HS3ST4: variants seen among roughly 807,000 people sequenced by gnomAD.
The protein encoded by HS3ST4 is heparan sulfate-glucosamine 3-sulfotransferase 4.
Under a neutral mutation model 29.2 loss-of-function variants are expected in HS3ST4, and 17 were observed. The ratio of observed to expected loss-of-function variants is 0.58; its 90% CI spans 0.40 to 0.87. HS3ST4 has a LOEUF of 0.87. Among genes scored for constraint, HS3ST4 ranks in the 40% least tolerant of loss-of-function variants. The probability of loss-of-function intolerance (pLI) is 0.00; values close to 1 mark genes in which losing one functional copy is unlikely to be tolerated. For synonymous variants in HS3ST4, 314 were observed against 285.7 expected (o/e 1.10, Z -1.00); for missense variants, 627 against 634.5 (o/e 0.99, Z 0.13).
chr16:25,861,708 C>T (rs1315821806), intron 1 of HS3ST4, among the ~76,000 whole-genome samples: 1 of 152,132 alleles, frequency 6.6e-6, no homozygotes, highest in African/African-American at 2.4e-5. Flanking sequence ...CCCTTTCTCT[C>T]AGGAAAAACA....
Position 25,692,438 on chromosome 16 carries a change from T to TCCTCCG in HS3ST4, c.39_44dup (p.Pro15_Pro16dup), listed in dbSNP as rs746860037. On this transcript the variant is annotated inframe_insertion, in exon 1 of 2. Coordinates refer to ENST00000331351, the MANE Select transcript of HS3ST4 (RefSeq NM_006040.3). ...CCGCGATGGCCCGGTGGCCCGCACCTCCTCCGCCTCCGCCTCCGCCTCCAC... is the reference window on the plus strand; with the variant it reads ...CCGCGATGGCCCGGTGGCCCGCACCTCCTCCGCCTCCGCCTCCGCCTCCGCCTCCAC... The TCCTCCG allele has an allele frequency of 6.1e-4, 735 of 1,198,210 alleles. 2 individuals are homozygous for TCCTCCG. Among genetic ancestry groups the TCCTCCG allele is most frequent in the Middle Eastern group, 3.1e-3 (12 of 3,858 alleles). 74.2% of individuals were successfully genotyped at this position (1,198,210 alleles called of 1,614,324 possible).
intron 1 of HS3ST4, among the ~76,000 whole-genome samples, chr16:26,067,344 A>G (rs1281264923): frequency 6.6e-6 from 1 of 152,176 alleles, no homozygotes; most frequent in East Asian, 1.9e-4. Flanking sequence ...TCTGAGCGCT[A>G]AAATAATAGC....
intron 1 of HS3ST4, among the ~76,000 whole-genome samples, chr16:25,792,138 G>A (rs898124993): frequency 1.3e-5 from 2 of 151,716 alleles, no homozygotes; most frequent in Non-Finnish European, 1.5e-5. Flanking sequence ...AACATGGTGA[G>A]TTACTTTGAT....
At chr16:26,089,247 G>A (rs577457777) in intron 1 of HS3ST4, among the ~76,000 whole-genome samples, 6 of 152,314 alleles carry the variant, frequency 3.9e-5, no homozygotes, top group South Asian at 4.1e-4. Context: ...GGCAAAACAG[G>A]ACCATCTGCA....
intron 1 of HS3ST4, among the ~76,000 whole-genome samples, chr16:25,804,658 TGTG>T: frequency 6.6e-6 from 1 of 152,200 alleles, no homozygotes; most frequent in South Asian, 2.1e-4. Context: ...CTAGGCCTCT[TGTG>T]GTGATGGAGG....
intron 1 of HS3ST4, among the ~76,000 whole-genome samples, chr16:26,118,942 A>C (rs1186884163): frequency 6.6e-6 from 1 of 152,238 alleles, no homozygotes; most frequent in East Asian, 1.9e-4. Context: ...TGATGTAATA[A>C]TAGCAACAAT....
chr16:26,006,667 A>G (rs1342160205), intron 1 of HS3ST4, among the ~76,000 whole-genome samples: 2 of 152,218 alleles, frequency 1.3e-5, no homozygotes, highest in African/African-American at 4.8e-5. Context: ...TGGTGGTCAG[A>G]AGTGCAAAAA....
intron 1 of HS3ST4, among the ~76,000 whole-genome samples, chr16:26,030,598 C>A (rs1969522807): frequency 6.6e-6 from 1 of 152,128 alleles, no homozygotes; most frequent in African/African-American, 2.4e-5. Flanking sequence ...CCATCAGAAC[C>A]AGTTTTGTAC....
At chr16:25,901,981 C>A (rs905264255) in intron 1 of HS3ST4, among the ~76,000 whole-genome samples, 1 of 152,182 alleles carries the variant, frequency 6.6e-6, no homozygotes, top group Non-Finnish European at 1.5e-5. Flanking sequence ...CTGTGTCTCC[C>A]ATCTACCAGG....
At chr16:25,941,784 G>T (rs1034355893) in intron 1 of HS3ST4, among the ~76,000 whole-genome samples, 4 of 151,552 alleles carry the variant, frequency 2.6e-5, no homozygotes, top group Non-Finnish European at 5.9e-5. Flanking sequence ...CACTATGTTG[G>T]TCAGGTTGGT....
intron 1 of HS3ST4, among the ~76,000 whole-genome samples, chr16:25,909,077 A>G (rs917345598): frequency 2.0e-5 from 3 of 152,260 alleles, no homozygotes; most frequent in African/African-American, 7.2e-5. Flanking sequence ...GATGGGGATT[A>G]CAGCAGAGCA....
chr16:25,763,461 C>T (rs541932014), intron 1 of HS3ST4, among the ~76,000 whole-genome samples: 31 of 152,258 alleles, frequency 2.0e-4, no homozygotes, highest in African/African-American at 7.0e-4. Flanking sequence ...TTTCCTGCCA[C>T]GTCTAGGCAA....
At chr16:25,882,465 G>A (rs147510983) in intron 1 of HS3ST4, among the ~76,000 whole-genome samples, 126 of 152,260 alleles carry the variant, frequency 8.3e-4, no homozygotes, top group African/African-American at 2.9e-3. Context: ...GCAGTTTCAG[G>A]CACTTTTTCT....
intron 1 of HS3ST4, among the ~76,000 whole-genome samples, chr16:25,745,793 T>G (rs1235682387): frequency 6.6e-6 from 1 of 152,220 alleles, no homozygotes; most frequent in African/African-American, 2.4e-5. Flanking sequence ...TCATTAAAAT[T>G]GGAAATTCAC....
At chr16:26,119,254 G>A (rs1899240093) in intron 1 of HS3ST4, among the ~76,000 whole-genome samples, 1 of 152,166 alleles carries the variant, frequency 6.6e-6, no homozygotes, top group Non-Finnish European at 1.5e-5. Context: ...GCTCAGTGTG[G>A]GTAATGGCAT....
chr16:25,747,281 G>C (rs982058370), intron 1 of HS3ST4, among the ~76,000 whole-genome samples: 6 of 152,210 alleles, frequency 3.9e-5, no homozygotes, highest in Non-Finnish European at 8.8e-5. Flanking sequence ...ATTACAGGCT[G>C]GTGACACCAC....
intron 1 of HS3ST4, among the ~76,000 whole-genome samples, chr16:25,700,754 G>A (rs1053414801): frequency 1.3e-5 from 2 of 152,262 alleles, no homozygotes; most frequent in African/African-American, 4.8e-5. Flanking sequence ...CTTGGGAATT[G>A]CGTTCTGAAA....
intron 1 of HS3ST4, among the ~76,000 whole-genome samples, chr16:26,134,592 C>G (rs1318613131): frequency 6.6e-6 from 1 of 152,038 alleles, no homozygotes; most frequent in Non-Finnish European, 1.5e-5. Context: ...GAACTCCTGA[C>G]CTTGTGATCT....
At position 26,033,505 on chromosome 16, in the gene HS3ST4, ACT is replaced by A. The variant is rs1969551886; in HGVS notation, c.735-102104_735-102103del. Among the ~76,000 whole-genome samples the A allele has an allele frequency of 3.6e-5, 5 of 138,436 alleles. 1 individual carries two copies. In the South Asian group the frequency reaches 1.3e-3, roughly 37 times the overall value. The allele number at this position is 138,436 out of a possible 152,430, so 90.8% of individuals were successfully genotyped here. ...ACTCCAGCATGGGTGACTGTGTGAG[ACT>A]CTGTCTCAAAAAAAAAAAAAAAAGG... On this transcript the variant is annotated intron_variant, in intron 1 of 1. Coordinates refer to ENST00000331351, the MANE Select transcript of HS3ST4 (RefSeq NM_006040.3).
Sources: gnomAD v4.1 joint callset for allele counts (sites outside exome capture counted in the v4.1 genomes callset) on GRCh38, gnomAD v4.1.1 for gene constraint, MANE v1.5 for transcripts, NCBI Gene and HGNC (gene_info 2026-07-23, HGNC 2026-07-21) for gene names.